TH: variants seen among roughly 807,000 people sequenced by gnomAD.
The protein encoded by TH is tyrosine hydroxylase.
A neutral mutation model predicts 57.4 loss-of-function variants in TH; 49 were observed. The observed-to-expected ratio is 0.85, with a 90% CI of 0.68 to 1.08. TH has a LOEUF of 1.08. Among genes scored for constraint, TH ranks in the 50% least tolerant of loss-of-function variants. The pLI is 0.00. For missense variants in TH, 720 were observed against 696.7 expected (o/e 1.03, Z -0.38); for synonymous variants, 330 against 304.5 (o/e 1.08, Z -0.87).
chr11:2,170,977 G>A lies in TH; in HGVS notation c.90+720C>T, dbSNP rs984527294. ...GGTTCTGAGTGCCCAAGGAGGCACC[G>A]AAGACCCCTCCTGTGGGCTGAAAAG... On this transcript the variant is annotated intron_variant, in intron 1 of 12. Transcript: ENST00000352909. This position sits in a 1 kb window ranked among gnomAD's most constrained non-coding sequence, Gnocchi z 6.0. Among the ~76,000 whole-genome samples, 2 of 152,070 alleles carry A rather than the reference G, an allele frequency of 1.3e-5. No homozygotes were observed. Among genetic ancestry groups the A allele is most frequent in the African/African-American group, 2.4e-5 (1 of 41,382 alleles).
chr11:2,164,495 A>C, intron 12 of TH, 103 bp from the exon 13 acceptor site: 2 of 1,370,770 alleles, frequency 1.5e-6, no homozygotes. Context: ...ACAGTGGCTC[A>C]GAGCTCCCAG....
rs1846153878 is a variant in TH at position 2,168,193 on chromosome 11, G to A, written c.488-14C>T. On this transcript the variant is annotated splice_polypyrimidine_tract_variant and intron_variant, in intron 3 of 12. Transcript: ENST00000352909. ...GGAACCAGGGGACTTTATGGGTGAT[G>A]GAGGAAGAGATCTTGGTGAGCTCGG... 6.2e-7 allele frequency: 1 copy of A among 1,612,256 alleles called. No individual in the cohort carries two copies. The highest frequency in any genetic ancestry group is 8.5e-7 in the Non-Finnish European group (1 of 1,179,036).
chr11:2,168,386 C>G, intron 3 of TH, 105 bp downstream of exon 3: 1 of 1,510,092 alleles, frequency 6.6e-7, no homozygotes, highest in Non-Finnish European at 9.1e-7. Context: ...AGAGAGGGAA[C>G]CAGGCCACCA....
chr11:2,165,660 A>C lies in TH; in HGVS notation c.1200+8T>G. 6.2e-7 allele frequency: 1 copy of C among 1,611,948 alleles called. No individual in the cohort carries two copies. The highest frequency in any genetic ancestry group is 8.5e-7 in the Non-Finnish European group (1 of 1,179,568). ...CTGCTGGGGGCTGCAGCAAGGAGAG[A>C]CTCTCACCAGGAGCTCCCCGTAGGA... On this transcript the variant is annotated splice_region_variant and intron_variant, in intron 11 of 12. Transcript: ENST00000352909.
intron 6 of TH, 113 bp from the exon 7 acceptor site, chr11:2,167,145 G>A: frequency 6.8e-7 from 1 of 1,475,294 alleles, no homozygotes; most frequent in Non-Finnish European, 9.1e-7. Flanking sequence ...CAGGCCTCTT[G>A]GGGACCCCTG....
rs145023516 is a variant in TH, at chr11:2,168,515, C to T, written c.463G>A (p.Val155Met). 162 of 1,612,346 alleles carry T rather than the reference C, an allele frequency of 1.0e-4. No homozygotes were observed. Among genetic ancestry groups the T allele is most frequent in the Non-Finnish European group, 1.3e-4 (151 of 1,179,848 alleles). ...LSGVRQVSED[V>M]RSPAGPKVPW... ...CCCTTGGGCCCCGCGGGGCTGCGCA[C>T]GTCCTCTGACACCTGGCGCACACCA... Residue 155 changes from valine (V) to methionine (M), a missense_variant, in exon 3 of 13, where the codon GTG (valine) becomes ATG (methionine). Physicochemically the swap from Val to Met is conservative, Grantham distance 21 (BLOSUM62 1). Transcript: ENST00000352909.
In TH at chr11:2,166,629, T is replaced by C; in HGVS notation, c.977+4A>G. ...TCGGGCTGGCGGCCAGGGCGCGCAC[T>C]CACGGCTCAGGGGAGTGCATGGGCG... On this transcript the variant is annotated splice_donor_region_variant and intron_variant, in intron 8 of 12. Transcript: ENST00000352909. 1 of 1,580,118 alleles carries C rather than the reference T, an allele frequency of 6.3e-7. No individual in the cohort carries two copies. Among genetic ancestry groups the C allele is most frequent in the South Asian group, 1.2e-5 (1 of 86,564 alleles).
At position 2,166,029 on chromosome 11, in the gene TH, C is replaced by G. The variant is rs759797905; in HGVS notation, c.1077G>C (p.Ser359=). The G allele has an allele frequency of 6.4e-7, 1 of 1,560,814 alleles. No individual in the cohort carries two copies. The highest frequency in any genetic ancestry group is 2.4e-5 in the East Asian group (1 of 42,546). ...QDIGLASLGA[S]DEEIEKLSTL... ...TGGACAGCTTCTCAATTTCCTCATC[C>G]GAGGCCCCCAGGGACGCCAGGCCAA... Residue 359 remains serine (S), a synonymous_variant, in exon 10 of 13, where the codon TCG becomes TCC. Transcript: ENST00000352909.
In TH at chr11:2,167,945, G is replaced by A. The variant is rs1427036147; in HGVS notation, c.577-12C>T. On this transcript the variant is annotated splice_polypyrimidine_tract_variant and intron_variant, in intron 4 of 12. Coordinates refer to ENST00000352909, the MANE Select transcript of TH (RefSeq NM_000360.4). Reference sequence around the variant, plus strand: ...TGGTCCGAGAAGCCCTGAGGGCAGAGGGGATGCACGGGTCAGGAGGCTGTG... The same window carrying A: ...TGGTCCGAGAAGCCCTGAGGGCAGAAGGGATGCACGGGTCAGGAGGCTGTG... 1 of 1,611,462 alleles carries A rather than the reference G, an allele frequency of 6.2e-7. No homozygotes were observed. Among genetic ancestry groups the A allele is most frequent in the African/African-American group, 1.3e-5 (1 of 75,018 alleles).
At position 2,164,132 on chromosome 11, in the gene TH, G is replaced by T. The variant is rs2133686102; in HGVS notation, c.*101C>A. ...CAGTGGGAGCCTGGCAGCAGGGAGG[G>T]CATGGGGGGCACCCGGGACCCAGCC... On this transcript the variant is annotated 3_prime_UTR_variant, in exon 13 of 13. Coordinates refer to ENST00000352909, the MANE Select transcript of TH (RefSeq NM_000360.4). The T allele has an allele frequency of 9.0e-7, 1 of 1,107,268 alleles. No individual in the cohort carries two copies. Among genetic ancestry groups the T allele is most frequent in the Non-Finnish European group, 1.2e-6 (1 of 847,758 alleles). The allele number at this position is 1,107,268 out of a possible 1,614,324, so 68.6% of individuals were successfully genotyped here. A position where few individuals can be genotyped will look rare whatever the true frequency, so the allele number is the denominator to read the frequency against.
In TH at chr11:2,168,126, T is replaced by A. The variant is rs774561953; in HGVS notation, c.541A>T (p.Thr181Ser). Residue 181 changes from threonine to serine, a missense_variant, in exon 4 of 13, where the codon ACC (threonine) becomes TCC (serine). Transcript: ENST00000352909. The stretch of plus-strand genomic sequence containing the variant: ...AAGTCCAGGTCAGGGTCGAACTTGG[T>A]GACCAGGTGATGACACTTGTCCAGC... ...SELDKCHHLVTKFDPDLDLDH... is the reference protein window; with the variant it reads ...SELDKCHHLVSKFDPDLDLDH... 5.9e-5 allele frequency: 95 copies of A among 1,613,442 alleles called. No individual in the cohort carries two copies. Among genetic ancestry groups the A allele is most frequent in the Non-Finnish European group, 7.9e-5 (93 of 1,180,012 alleles).
intron 5 of TH, 31 bp downstream of exon 5, chr11:2,167,835 A>C: frequency 6.3e-7 from 1 of 1,576,786 alleles, no homozygotes; most frequent in Non-Finnish European, 8.6e-7. Context: ...TGCAGGACGG[A>C]GTCTGGGTCC....
chr11:2,167,143 T>C (rs955236783), intron 6 of TH, 111 bp from the exon 7 acceptor site: 16 of 1,484,434 alleles, frequency 1.1e-5, no homozygotes, highest in Admixed American at 2.0e-5. Context: ...CGCAGGCCTC[T>C]TGGGGACCCC....
Position 2,169,702 on chromosome 11 carries a change from G to A in TH, c.260C>T (p.Ser87Phe). 1 of 1,613,406 alleles carries A rather than the reference G, an allele frequency of 6.2e-7. No homozygotes were observed. The highest frequency in any genetic ancestry group is 8.5e-7 in the Non-Finnish European group (1 of 1,179,930). ...EGKAVLNLLFSPRATKPSALS... is the reference protein window; with the variant it reads ...EGKAVLNLLFFPRATKPSALS... Reference sequence around the variant, plus strand: ...CGCCGAGGGCTTGGTGGCCCTCGGGGAGAAGAGCAGGTTTAGCACGGCCTT... The same window carrying A: ...CGCCGAGGGCTTGGTGGCCCTCGGGAAGAAGAGCAGGTTTAGCACGGCCTT... Residue 87 changes from serine to phenylalanine, a missense_variant, in exon 2 of 13, where the codon TCC becomes TTC. Physicochemically the swap from Ser to Phe is radical, Grantham distance 155. Transcript: ENST00000352909.
At chr11:2,167,576 C>A in intron 5 of TH, 91 bp from the exon 6 acceptor site, 1 of 1,429,950 alleles carries the variant, frequency 7.0e-7, no homozygotes, top group Non-Finnish European at 9.5e-7. Context: ...AGGTCCACAC[C>A]CGCCTAGTGC....
rs1313952475 is a variant in TH at position 2,170,742 on chromosome 11, G to A, written c.91-871C>T. ...TGGGGCTGCAGTTCCAGGCCACGGA[G>A]AGCCTGTGAGGCTGGGCCCCGGGGC... On this transcript the variant is annotated intron_variant, in intron 1 of 12. Transcript: ENST00000352909. This position sits in a 1 kb window ranked among gnomAD's most constrained non-coding sequence, Gnocchi z 6.0. 6.3e-7 allele frequency: 1 copy of A among 1,599,410 alleles called. No individual in the cohort carries two copies. Among genetic ancestry groups the A allele is most frequent in the Non-Finnish European group, 8.5e-7 (1 of 1,176,540 alleles).
chr11:2,165,814 G>T (rs746385302), intron 10 of TH, 51 bp from the exon 11 acceptor site: 4 of 1,582,226 alleles, frequency 2.5e-6, no homozygotes, highest in Non-Finnish European at 3.4e-6. Context: ...CGCCCACCGG[G>T]CAGCCCCTGG....
intron 9 of TH, 100 bp downstream of exon 9, chr11:2,166,380 C>G: frequency 1.4e-6 from 2 of 1,420,550 alleles, no homozygotes; most frequent in East Asian, 2.5e-5. Flanking sequence ...GGCCCGGGAG[C>G]AGGCAGCACA....
In TH at chr11:2,165,399, T is replaced by G. The variant is rs780265064; in HGVS notation, c.1201-34A>C. 4.4e-6 allele frequency: 7 copies of G among 1,604,744 alleles called. No individual in the cohort carries two copies. The Admixed American group carries it at 1.2e-4, about 27-fold the overall frequency. On this transcript the variant is annotated intron_variant, in intron 11 of 12. Transcript: ENST00000352909. ...AGGCCAATGGCATCACTGACTCCAC[T>G]GCACCCAGGTCCCCGAGGGAACTGG...
Sources: allele counts gnomAD v4.1 joint callset (sites outside exome capture counted in the v4.1 genomes callset), GRCh38; gene constraint gnomAD v4.1.1; non-coding constraint Gnocchi (gnomAD v3.1); transcripts MANE v1.5; gene names NCBI Gene and HGNC (gene_info 2026-07-23, HGNC 2026-07-21).